Variants in PTPRT observed in about 807,000 individuals in gnomAD.
PTPRT encodes receptor-type tyrosine-protein phosphatase T.
A neutral mutation model predicts 176.8 loss-of-function variants in PTPRT; 56 were observed. The observed-to-expected ratio is 0.32, with a 90% CI of 0.26 to 0.40. PTPRT has a LOEUF of 0.40. Among genes scored for constraint, PTPRT ranks in the 10% least tolerant of loss-of-function variants. PTPRT has a pLI of 1.00. For synonymous variants in PTPRT, 783 were observed against 739.0 expected (o/e 1.06, Z -0.96); for missense variants, 1,540 against 1,908.2 (o/e 0.81, Z 3.60).
At chr20:42,771,588 C>T (rs762275464) in intron 4 of PTPRT, 38 bp from the exon 5 acceptor site, 17 of 1,557,792 alleles carry the variant, frequency 1.1e-5, no homozygotes, top group Admixed American at 6.7e-5. Context: ...GAATGAGATT[C>T]GACAGCCTGC....
chr20:42,662,371 G>A (rs767329412), intron 7 of PTPRT, among the ~76,000 whole-genome samples: 2 of 152,130 alleles, frequency 1.3e-5, no homozygotes, highest in Non-Finnish European at 2.9e-5. Flanking sequence ...GTCCAGAGCA[G>A]GACTCTAATC....
chr20:42,753,282 C>A (rs1169648274), intron 6 of PTPRT, among the ~76,000 whole-genome samples: 1 of 152,138 alleles, frequency 6.6e-6, no homozygotes, highest in African/African-American at 2.4e-5. Context: ...CTAATTCTCC[C>A]ACTCATGAAA....
chr20:42,382,579 G>C (rs996068468), intron 9 of PTPRT, among the ~76,000 whole-genome samples: 2 of 152,294 alleles, frequency 1.3e-5, no homozygotes, highest in African/African-American at 4.8e-5. Flanking sequence ...GTGTCATGGA[G>C]ATGGGTGCTA....
intron 8 of PTPRT, among the ~76,000 whole-genome samples, chr20:42,461,531 T>C (rs2071019708): frequency 6.6e-6 from 1 of 151,944 alleles, no homozygotes; most frequent in African/African-American, 2.4e-5. Context: ...TGAAACCCTA[T>C]CTTTAAAACA....
chr20:42,086,124 A>G (rs1983879894), intron 27 of PTPRT, among the ~76,000 whole-genome samples: 1 of 151,954 alleles, frequency 6.6e-6, no homozygotes, highest in Non-Finnish European at 1.5e-5. Context: ...TTTTTAGTAA[A>G]GATGGGGTTT....
At chr20:43,046,148 T>C (rs1986828111) in intron 1 of PTPRT, among the ~76,000 whole-genome samples, 1 of 152,072 alleles carries the variant, frequency 6.6e-6, no homozygotes, top group African/African-American at 2.4e-5. Context: ...GGGTAACATG[T>C]TCTGTCTTAT....
intron 6 of PTPRT, among the ~76,000 whole-genome samples, chr20:42,717,487 T>C (rs986579400): frequency 2.2e-4 from 33 of 152,258 alleles, no homozygotes; most frequent in African/African-American, 7.7e-4. Context: ...TTTTATAGTA[T>C]CTATATAACA....
chr20:42,057,343 C>T, the PTPRT span, among the ~76,000 whole-genome samples: 8 of 151,652 alleles, frequency 5.3e-5, no homozygotes, highest in East Asian at 3.9e-4. Context: ...TGGCGGGGGG[C>T]GGGGTACAAA....
intron 13 of PTPRT, among the ~76,000 whole-genome samples, chr20:42,260,803 A>C (rs2056735605): frequency 6.6e-6 from 1 of 152,208 alleles, no homozygotes; most frequent in Non-Finnish European, 1.5e-5. Flanking sequence ...GAGAAGCAGA[A>C]ACCAAACCAA....
chr20:42,623,752 G>C (rs1600491164), intron 7 of PTPRT, among the ~76,000 whole-genome samples: 1 of 151,946 alleles, frequency 6.6e-6, no homozygotes, highest in Non-Finnish European at 1.5e-5. Context: ...CATACTTCAG[G>C]AGACTCCTGA....
At chr20:42,299,680 T>A (rs2057432839) in intron 12 of PTPRT, among the ~76,000 whole-genome samples, 1 of 142,878 alleles carries the variant, frequency 7.0e-6, no homozygotes, top group African/African-American at 2.6e-5. Flanking sequence ...ACAGTTTCAC[T>A]CTCGTTGCCC....
At chr20:42,730,946 G>C (rs1351456238) in intron 6 of PTPRT, among the ~76,000 whole-genome samples, 1 of 152,176 alleles carries the variant, frequency 6.6e-6, no homozygotes, top group East Asian at 1.9e-4. Flanking sequence ...CTTTACAGGT[G>C]GGTGTCCATA....
intron 1 of PTPRT, among the ~76,000 whole-genome samples, chr20:43,119,532 C>T (rs925132596): frequency 2.0e-5 from 3 of 152,088 alleles, no homozygotes; most frequent in East Asian, 1.9e-4. Flanking sequence ...GCATCATGAC[C>T]CAGATTATAC....
chr20:42,079,180 A>G lies in PTPRT; in HGVS notation c.*1699T>C. 4.9e-6 allele frequency: 1 copy of G among 202,660 alleles called. No homozygotes were observed. The highest frequency in any genetic ancestry group is 1.0e-5 in the Non-Finnish European group (1 of 98,498). The allele number at this position is 202,660 out of a possible 1,614,324, so 12.6% of individuals were successfully genotyped here. A position where few individuals can be genotyped will look rare whatever the true frequency, so the allele number is the denominator to read the frequency against. ...TTGTTTTTACTGACTAAGAAATTAGATGAGACTGGCTTTCCTGGGGAGCTG... is the reference window on the plus strand; with the variant it reads ...TTGTTTTTACTGACTAAGAAATTAGGTGAGACTGGCTTTCCTGGGGAGCTG... On this transcript the variant is annotated 3_prime_UTR_variant, in exon 31 of 31. Transcript: ENST00000373187.
At chr20:42,756,330 G>C in intron 6 of PTPRT, 132 bp downstream of exon 6, 1 of 970,988 alleles carries the variant, frequency 1.0e-6, no homozygotes, top group Non-Finnish European at 1.4e-6. Context: ...TGGGGAGGGA[G>C]GCCAGAGTGA....
chr20:43,031,049 G>C (rs904065420), intron 1 of PTPRT, among the ~76,000 whole-genome samples: 7 of 152,118 alleles, frequency 4.6e-5, no homozygotes, highest in Non-Finnish European at 1.0e-4. Context: ...TGATCACCTA[G>C]GGAGCTCTAA....
chr20:42,335,445 A>G (rs1219928376), intron 11 of PTPRT, among the ~76,000 whole-genome samples: 1 of 151,166 alleles, frequency 6.6e-6, no homozygotes, highest in East Asian at 1.9e-4. Flanking sequence ...ATTAAAAAAA[A>G]TGACTCTAGA....
At chr20:42,252,981 T>C (rs2146932587) in intron 13 of PTPRT, among the ~76,000 whole-genome samples, 1 of 152,360 alleles carries the variant, frequency 6.6e-6, no homozygotes, top group East Asian at 1.9e-4. Flanking sequence ...CCTTTGGCAC[T>C]CTTTAGGGGA....
At chr20:42,115,542 T>G (rs1987233066) in intron 21 of PTPRT, among the ~76,000 whole-genome samples, 1 of 152,238 alleles carries the variant, frequency 6.6e-6, no homozygotes, top group Admixed American at 6.5e-5. Context: ...ATAATTGTAG[T>G]ACCTTCTTTT....
Sources: gnomAD v4.1 joint callset for allele counts (sites outside exome capture counted in the v4.1 genomes callset) on GRCh38, gnomAD v4.1.1 for gene constraint, MANE v1.5 for transcripts, NCBI Gene and HGNC (gene_info 2026-07-23, HGNC 2026-07-21) for gene names.